CABLES1: variants seen among roughly 807,000 people sequenced by gnomAD.
The protein encoded by CABLES1 is Cdk5 and Abl enzyme substrate 1.
Under a neutral mutation model 57.8 loss-of-function variants are expected in CABLES1, and 36 were observed. The ratio of observed to expected loss-of-function variants is 0.62; its 90% CI spans 0.48 to 0.82. The LOEUF (loss-of-function observed/expected upper bound fraction) is 0.82, where lower values mean the gene tolerates loss of function less well. CABLES1 is among the 40% of genes least tolerant of loss of function. CABLES1 has a pLI of 0.00. For synonymous variants in CABLES1, 374 were observed against 363.0 expected, an observed-to-expected ratio of 1.03 and a Z score of -0.35; for missense variants, 767 against 836.6, an observed-to-expected ratio of 0.92 and a Z score of 1.03.
chr18:23,178,041 G>C (rs1224220631), intron 1 of CABLES1, among the ~76,000 whole-genome samples: 1 of 152,148 alleles, frequency 6.6e-6, no homozygotes, highest in Admixed American at 6.5e-5. Flanking sequence ...GGGTGAAGCT[G>C]GCCCTTTTAT....
rs1400413013 is a variant in CABLES1 at position 23,252,977 on chromosome 18, C to T, written c.1464C>T (p.Tyr488=). The change falls in exon 8 of 10, where the codon TAC becomes TAT. Residue 488 remains tyrosine (Y), a synonymous_variant. Coordinates refer to ENST00000256925, the MANE Select transcript of CABLES1 (RefSeq NM_001100619.3). ...FPSYMTTVID[Y]VKPSDLKKDM... is the part of the protein sequence containing the mutation. ...TGTTACAGACAACAGTGATTGACTA[C>T]GTGAAGCCCTCGGATCTCAAGAAGG... 1.4e-5 allele frequency: 22 copies of T among 1,611,590 alleles called. No homozygotes were observed. The highest frequency in any genetic ancestry group is 1.7e-5 in the Non-Finnish European group (20 of 1,177,898).
chr18:23,192,128 G>C (rs1181676203), intron 2 of CABLES1, among the ~76,000 whole-genome samples: 1 of 152,194 alleles, frequency 6.6e-6, no homozygotes, highest in Non-Finnish European at 1.5e-5. Flanking sequence ...CAAGAACTGA[G>C]CATGCGTCAT....
At chr18:23,254,978 G>T (rs2048127483) in intron 9 of CABLES1, among the ~76,000 whole-genome samples, 1 of 152,228 alleles carries the variant, frequency 6.6e-6, no homozygotes, top group Non-Finnish European at 1.5e-5. Context: ...CTTGATTGTG[G>T]TTTTCACAGA....
chr18:23,187,155 G>C (rs1246887444), intron 1 of CABLES1, among the ~76,000 whole-genome samples: 1 of 152,228 alleles, frequency 6.6e-6, no homozygotes, highest in African/African-American at 2.4e-5. Flanking sequence ...TCTCAGGTAA[G>C]ACTGGTGCCT....
chr18:23,254,014 T>A, intron 9 of CABLES1, 78 bp downstream of exon 9: 1 of 1,209,938 alleles, frequency 8.3e-7, no homozygotes, highest in East Asian at 2.4e-5. Flanking sequence ...ATTCGGTCAG[T>A]GACCCTGCCT....
intron 4 of CABLES1, among the ~76,000 whole-genome samples, chr18:23,220,583 C>A (rs2047479860): frequency 6.6e-6 from 1 of 152,142 alleles, no homozygotes; most frequent in African/African-American, 2.4e-5. Flanking sequence ...ATGATCGCGC[C>A]TTTGGGGCTG....
At chr18:23,195,022 A>C (rs1194911546) in intron 3 of CABLES1, among the ~76,000 whole-genome samples, 1 of 152,176 alleles carries the variant, frequency 6.6e-6, no homozygotes, top group Non-Finnish European at 1.5e-5. Context: ...ATTCTTCCTC[A>C]GTGCTGATCC....
At chr18:23,138,899 C>T (rs540236259) in intron 1 of CABLES1, among the ~76,000 whole-genome samples, 3 of 152,290 alleles carry the variant, frequency 2.0e-5, no homozygotes, top group Non-Finnish European at 4.4e-5. Context: ...GGCTTTGCAC[C>T]TTCAGCTTCA....
rs1316873484 is a variant in CABLES1, at chr18:23,258,470, C to T, written c.*1103C>T. 1 of 152,162 alleles carries T rather than the reference C, an allele frequency of 6.6e-6. No homozygotes were observed. Among genetic ancestry groups the T allele is most frequent in the Non-Finnish European group, 1.5e-5 (1 of 68,036 alleles). 9.4% of individuals were successfully genotyped at this position (152,162 alleles called of 1,614,324 possible). On this transcript the variant is annotated 3_prime_UTR_variant, in exon 10 of 10. Transcript: ENST00000256925. ...GGCTCTTTCTTAACATTCCCACGTGCCCAGGGCTGTTCATGCAAGATTTTA... is the reference window on the plus strand; with the variant it reads ...GGCTCTTTCTTAACATTCCCACGTGTCCAGGGCTGTTCATGCAAGATTTTA...
At chr18:23,137,654 C>T (rs1372799263) in intron 1 of CABLES1, among the ~76,000 whole-genome samples, 5 of 152,212 alleles carry the variant, frequency 3.3e-5, no homozygotes, top group Non-Finnish European at 7.3e-5. Context: ...AAAGCTTGAT[C>T]TGGCCCAAGT....
Position 23,253,042 on chromosome 18 carries a change from A to G in CABLES1, c.1529A>G (p.Lys510Arg), listed in dbSNP as rs2048077788. 1.2e-6 allele frequency: 2 copies of G among 1,613,144 alleles called. No individual in the cohort carries two copies. The highest frequency in any genetic ancestry group is 2.7e-5 in the African/African-American group (2 of 75,026). ...TTCAAGGAGAAGTTTCCTCACATTA[A>G]GCTGACACTCAGCAAAATTAGGAGG... is the stretch of plus-strand genomic sequence containing the variant. The part of the protein sequence containing the change: ...ETFKEKFPHI[K>R]LTLSKIRSLK... Residue 510 changes from lysine (K) to arginine (R), a missense_variant, in exon 8 of 10, where the codon AAG becomes AGG. Physicochemically the swap from Lys to Arg is conservative, Grantham distance 26. Transcript: ENST00000256925.
chr18:23,218,606 G>C (rs2047461406), intron 4 of CABLES1, among the ~76,000 whole-genome samples: 1 of 97,438 alleles, frequency 1.0e-5, no homozygotes, highest in Non-Finnish European at 2.0e-5. Context: ...ATCCTCACTT[G>C]CCCTGGCTCC....
At chr18:23,170,605 A>G (rs1165870931) in intron 1 of CABLES1, among the ~76,000 whole-genome samples, 1 of 152,190 alleles carries the variant, frequency 6.6e-6, no homozygotes, top group Non-Finnish European at 1.5e-5. Flanking sequence ...TGGGCTCTTG[A>G]TGACTATGAG....
intron 1 of CABLES1, among the ~76,000 whole-genome samples, chr18:23,166,693 G>A (rs1237063417): frequency 6.6e-6 from 1 of 152,140 alleles, no homozygotes; most frequent in Admixed American, 6.6e-5. Context: ...ATAATTTTTT[G>A]TGCCGTATAT....
chr18:23,140,628 A>C (rs1270533161), intron 1 of CABLES1, among the ~76,000 whole-genome samples: 1 of 151,820 alleles, frequency 6.6e-6, no homozygotes, highest in Non-Finnish European at 1.5e-5. Flanking sequence ...AGTAGAGATG[A>C]GGGTTCGCCA....
intron 2 of CABLES1, 86 bp from the exon 3 acceptor site, chr18:23,194,361 TG>T: frequency 3.7e-6 from 3 of 803,234 alleles, no homozygotes; most frequent in East Asian, 2.6e-5. Context: ...GCCATTTGTC[TG>T]GTCCTTCCTT....
intron 1 of CABLES1, among the ~76,000 whole-genome samples, chr18:23,138,128 T>C (rs1264528110): frequency 6.6e-6 from 1 of 152,184 alleles, no homozygotes; most frequent in African/African-American, 2.4e-5. Context: ...AACATACGTG[T>C]TATTCTAAGC....
At chr18:23,215,255 T>A (rs7232127) in intron 4 of CABLES1, among the ~76,000 whole-genome samples, 2 of 152,058 alleles carry the variant, frequency 1.3e-5, no homozygotes, top group African/African-American at 2.4e-5. Flanking sequence ...GAGAGATGTT[T>A]TCGGGCAGCT....
chr18:23,232,424 C>T (rs1370908003), intron 4 of CABLES1, among the ~76,000 whole-genome samples: 3 of 152,198 alleles, frequency 2.0e-5, no homozygotes, highest in Non-Finnish European at 4.4e-5. Context: ...GGTCAGTCCC[C>T]TCCCTCCCTG....
Sources: allele counts gnomAD v4.1 joint callset (sites outside exome capture counted in the v4.1 genomes callset), GRCh38; gene constraint gnomAD v4.1.1; transcripts MANE v1.5; gene names NCBI Gene and HGNC (gene_info 2026-07-23, HGNC 2026-07-21).